Variants in DIAPH2 observed in about 807,000 individuals in gnomAD.
DIAPH2 encodes the protein diaphanous related formin 2.
Under a neutral mutation model 92.7 loss-of-function variants are expected in DIAPH2, and 35 were observed. The ratio of observed to expected loss-of-function variants is 0.38; its 90% CI spans 0.29 to 0.50. The LOEUF is 0.50. Ranked by LOEUF, DIAPH2 falls within the 20% of genes least tolerant of loss-of-function variation. The pLI, the probability that DIAPH2 is intolerant of heterozygous loss-of-function variation, is 0.94. For synonymous variants in DIAPH2, 301 were observed against 280.4 expected (o/e 1.07, Z -0.73); for missense variants, 701 against 819.5 (o/e 0.86, Z 1.77).
intron 23 of DIAPH2, among the ~76,000 whole-genome samples, chrX:97,269,445 A>G (rs1039384497): frequency 8.9e-6 from 1 of 112,518 alleles, no homozygotes; most frequent in African/African-American, 3.2e-5. Flanking sequence ...AATCTTATCA[A>G]TGTCATTTAT....
At chrX:97,160,049 C>T (rs1334072475) in intron 22 of DIAPH2, among the ~76,000 whole-genome samples, 1 of 82,959 alleles carries the variant, frequency 1.2e-5, no homozygotes, top group Non-Finnish European at 2.2e-5. Context: ...AATTTGTTTC[C>T]TTGAGGGATT....
rs2065793889 is a variant in DIAPH2 at position 96,954,053 on chromosome X, G to A, written c.1615-3775G>A. ...TCATGATAAATAGTCTTTTTCCTATGATCTCCACTGTGTTAAACAGGAGTG... is the reference window on the plus strand; with the variant it reads ...TCATGATAAATAGTCTTTTTCCTATAATCTCCACTGTGTTAAACAGGAGTG... On this transcript the variant is annotated intron_variant, in intron 15 of 26. Coordinates refer to ENST00000324765, the MANE Select transcript of DIAPH2 (RefSeq NM_006729.5). 3.6e-5 allele frequency: 4 copies of A among 111,561 alleles called. No homozygotes were observed. The South Asian group carries it at 1.1e-3, about 32-fold the overall frequency. The allele number at this position is 111,561 out of a possible 1,213,427, so 9.2% of individuals were successfully genotyped here.
chrX:97,191,983 C>T, intron 22 of DIAPH2, among the ~76,000 whole-genome samples: 1 of 111,399 alleles, frequency 9.0e-6, no homozygotes, highest in Non-Finnish European at 1.9e-5. Flanking sequence ...GACTCTTTGC[C>T]TTACCACAAT....
intron 23 of DIAPH2, among the ~76,000 whole-genome samples, chrX:97,323,739 A>T (rs2068924757): frequency 9.4e-6 from 1 of 106,945 alleles, no homozygotes; most frequent in Non-Finnish European, 1.9e-5. Flanking sequence ...CCCCATCTCT[A>T]CTAAAAATAC....
chrX:97,405,253 G>T (rs373622604), intron 25 of DIAPH2, among the ~76,000 whole-genome samples: 36 of 112,319 alleles, frequency 3.2e-4, no homozygotes, highest in East Asian at 2.5e-3. Flanking sequence ...TCTCCCCAGT[G>T]AAATCATACC....
intron 26 of DIAPH2, among the ~76,000 whole-genome samples, chrX:97,579,352 G>A (rs1361128013): frequency 4.5e-5 from 5 of 110,085 alleles, no homozygotes; most frequent in Non-Finnish European, 9.5e-5. Flanking sequence ...TTTTGTATAA[G>A]GTGTAAGGAA....
intron 5 of DIAPH2, among the ~76,000 whole-genome samples, chrX:96,895,715 A>T (rs2065340651): frequency 1.8e-5 from 2 of 111,879 alleles, no homozygotes; most frequent in Non-Finnish European, 3.8e-5. Flanking sequence ...CTCCATTTGG[A>T]GACAAAAATT....
intron 25 of DIAPH2, among the ~76,000 whole-genome samples, chrX:97,403,957 G>A (rs182480372): frequency 1.4e-4 from 15 of 109,264 alleles, no homozygotes; most frequent in Non-Finnish European, 2.7e-4. Flanking sequence ...GGGTTCAAGC[G>A]ATTCTCCTGT....
chrX:96,825,202 G>C (rs2064806189), intron 4 of DIAPH2, among the ~76,000 whole-genome samples: 1 of 107,128 alleles, frequency 9.3e-6, no homozygotes, highest in Admixed American at 1.0e-4. Flanking sequence ...GTGATCCACT[G>C]GCCTCGGCCT....
intron 26 of DIAPH2, among the ~76,000 whole-genome samples, chrX:97,500,777 T>G (rs1602631098): frequency 2.4e-5 from 2 of 82,382 alleles, no homozygotes; most frequent in East Asian, 3.7e-4. Flanking sequence ...TATATATATA[T>G]ATATATATAT....
chrX:96,704,670 C>A (rs1202546044), intron 1 of DIAPH2, among the ~76,000 whole-genome samples: 1 of 111,632 alleles, frequency 9.0e-6, no homozygotes, highest in Non-Finnish European at 1.9e-5. Context: ...TTCCCATGAA[C>A]ATTATTCCTG....
At chrX:97,596,762 C>T (rs890469826) in intron 26 of DIAPH2, among the ~76,000 whole-genome samples, 4 of 111,901 alleles carry the variant, frequency 3.6e-5, no homozygotes, top group Admixed American at 9.5e-5. Flanking sequence ...TTTCCCCATT[C>T]GTTTTTAATA....
chrX:97,507,024 C>T (rs755632663), intron 26 of DIAPH2, among the ~76,000 whole-genome samples: 2 of 108,944 alleles, frequency 1.8e-5, no homozygotes, highest in Admixed American at 1.0e-4. Context: ...GAAGAATATA[C>T]AGCAGACACC....
chrX:97,238,747 C>T (rs1178760805), intron 22 of DIAPH2, among the ~76,000 whole-genome samples: 3 of 111,332 alleles, frequency 2.7e-5, no homozygotes, highest in Non-Finnish European at 5.7e-5. Flanking sequence ...CCAGGTACAG[C>T]GTTCATGTAA....
At chrX:97,260,583 G>A (rs968294388) in intron 23 of DIAPH2, among the ~76,000 whole-genome samples, 1 of 112,388 alleles carries the variant, frequency 8.9e-6, no homozygotes, top group Admixed American at 9.5e-5. Context: ...TACAATCCTA[G>A]TGGAGTTTTA....
chrX:97,153,446 G>A (rs2067300217), intron 22 of DIAPH2, among the ~76,000 whole-genome samples: 2 of 110,176 alleles, frequency 1.8e-5, no homozygotes, highest in South Asian at 3.9e-4. Context: ...TTAGCCGGGC[G>A]AGGTGGCAGG....
intron 4 of DIAPH2, among the ~76,000 whole-genome samples, chrX:96,809,519 T>C (rs980447422): frequency 1.1e-5 from 1 of 92,701 alleles, no homozygotes; most frequent in Non-Finnish European, 2.3e-5. Context: ...TCTTTCTTTC[T>C]TTTTTTTTTT....
chrX:96,949,606 G>T (rs915704597), intron 15 of DIAPH2, among the ~76,000 whole-genome samples: 4 of 106,121 alleles, frequency 3.8e-5, no homozygotes, highest in African/African-American at 1.0e-4. Flanking sequence ...CACTTTGGGA[G>T]GCGGAAGCGG....
intron 22 of DIAPH2, among the ~76,000 whole-genome samples, chrX:97,157,334 T>A (rs757292634): frequency 5.2e-4 from 54 of 103,686 alleles, no homozygotes; most frequent in Non-Finnish European, 7.9e-4. Flanking sequence ...ATAATAATAA[T>A]ATAATAATAA....
Sources: gnomAD v4.1 joint callset for allele counts (sites outside exome capture counted in the v4.1 genomes callset) on GRCh38, gnomAD v4.1.1 for gene constraint, MANE v1.5 for transcripts, NCBI Gene and HGNC (gene_info 2026-07-23, HGNC 2026-07-21) for gene names.